The following MMP26 variants were observed in gnomAD, a reference collection of about 807,000 sequenced individuals.
MMP26 encodes matrix metallopeptidase 26.
MMP26 carries 33 observed loss-of-function variants against 31.0 expected under a neutral mutation model. The ratio of observed to expected loss-of-function variants is 1.06; its 90% confidence interval spans 0.81 to 1.42. MMP26 has a LOEUF of 1.42. MMP26 is among the 40% of genes most tolerant of loss of function. The pLI is 0.00. For synonymous variants in MMP26, 122 were observed against 114.9 expected (o/e 1.06, Z -0.40); for missense variants, 347 against 316.1 (o/e 1.10, Z -0.74).
intron 1 of MMP26, among the ~76,000 whole-genome samples, chr11:4,720,800 G>A (rs746525572): frequency 1.3e-5 from 2 of 152,184 alleles, no homozygotes; most frequent in South Asian, 2.1e-4. Context: ...GGACTTCCCC[G>A]CTCGCTATAG....
chr11:4,906,431 A>C (rs1298940143), intron 2 of MMP26, among the ~76,000 whole-genome samples: 4 of 152,236 alleles, frequency 2.6e-5, no homozygotes, highest in Non-Finnish European at 5.9e-5. Flanking sequence ...ATGAAAGGGC[A>C]AATGTGTTTG....
At chr11:4,725,402 G>T (rs1435944198) in intron 1 of MMP26, among the ~76,000 whole-genome samples, 2 of 152,214 alleles carry the variant, frequency 1.3e-5, no homozygotes, top group Admixed American at 1.3e-4. Context: ...AATTGCAAAT[G>T]TCTTTTTACA....
intron 2 of MMP26, chr11:4,787,395 ATGTGTTGCGC>A (rs1188656547): frequency 2.6e-5 from 4 of 152,246 alleles, no homozygotes; most frequent in African/African-American, 7.2e-5. Flanking sequence ...TTGGTACACC[ATGTGTTGCGC>A]TTTCCTACAT....
chr11:4,868,733 G>A (rs929310571), intron 2 of MMP26, among the ~76,000 whole-genome samples: 19 of 152,014 alleles, frequency 1.2e-4, no homozygotes, highest in Non-Finnish European at 1.5e-5. Flanking sequence ...AGTTCATATG[G>A]AACCAAAAAA....
rs769290529 is a variant in MMP26 at position 4,946,930 on chromosome 11, C to A, written c.-144-41138C>A. 6.2e-7 allele frequency: 1 copy of A among 1,606,460 alleles called. No homozygotes were observed. Among genetic ancestry groups the A allele is most frequent in the Admixed American group, 1.7e-5 (1 of 59,206 alleles). ...AAAGAAAATAGTACATGGGCTCATGCAAGGAGGGCTCTGTCTTGATGATAA... is the reference window on the plus strand; with the variant it reads ...AAAGAAAATAGTACATGGGCTCATGAAAGGAGGGCTCTGTCTTGATGATAA... On this transcript the variant is annotated intron_variant, in intron 2 of 7. Transcript: ENST00000380390.
Position 4,946,296 on chromosome 11 carries a change from C to T in MMP26, c.-144-41772C>T, listed in dbSNP as rs781014528. 18 of 1,613,708 alleles carry T rather than the reference C, an allele frequency of 1.1e-5. No homozygotes were observed. In the African/African-American group the frequency reaches 2.4e-4, roughly 22 times the overall value. ...ATGAGAACATTAATGAGGGGAGAGA[C>T]ATGCCGGGCAAAGCGGTGGACAACG... On this transcript the variant is annotated intron_variant, in intron 2 of 7. Coordinates refer to ENST00000380390, the MANE Select transcript of MMP26 (RefSeq NM_021801.5).
chr11:4,708,498 C>T (rs1214098380), intron 1 of MMP26, among the ~76,000 whole-genome samples: 1 of 152,150 alleles, frequency 6.6e-6, no homozygotes, highest in Non-Finnish European at 1.5e-5. Flanking sequence ...CTTAAAGTAG[C>T]AAGTCTAATT....
At chr11:4,816,160 C>T (rs2133466453) in intron 2 of MMP26, among the ~76,000 whole-genome samples, 1 of 152,116 alleles carries the variant, frequency 6.6e-6, no homozygotes, top group East Asian at 1.9e-4. Context: ...TGTTTAATTT[C>T]CATGTGTTTG....
chr11:4,920,688 C>A (rs1851170440), intron 2 of MMP26, among the ~76,000 whole-genome samples: 1 of 152,136 alleles, frequency 6.6e-6, no homozygotes, highest in Admixed American at 6.5e-5. Context: ...CTGTCAAGGA[C>A]TTTTGTTTCA....
At chr11:4,771,299 TGAG>T (rs1208865995) in intron 2 of MMP26, among the ~76,000 whole-genome samples, 1 of 152,044 alleles carries the variant, frequency 6.6e-6, no homozygotes, top group African/African-American at 2.4e-5. Flanking sequence ...TTCAAAAAAA[TGAG>T]GACCATCATT....
chr11:4,756,699 A>C (rs1848508032), intron 1 of MMP26: 1 of 152,176 alleles, frequency 6.6e-6, no homozygotes, highest in African/African-American at 2.4e-5. Context: ...TAAACTTGCA[A>C]GTGTAGGTAG....
At chr11:4,854,340 A>G (rs113233716) in intron 2 of MMP26, among the ~76,000 whole-genome samples, 1 of 152,204 alleles carries the variant, frequency 6.6e-6, no homozygotes, top group Non-Finnish European at 1.5e-5. Flanking sequence ...AGATGGTACC[A>G]GGAAAATCGG....
rs1846341737 is a variant in MMP26 at position 4,948,539 on chromosome 11, T to C, written c.-144-39529T>C. On this transcript the variant is annotated intron_variant, in intron 2 of 7. Transcript: ENST00000380390. ...TGAACTGAATGTACAGCTGGAATTGTGTATTATTTTTAGCATTCTAAACTG... is the reference window on the plus strand; with the variant it reads ...TGAACTGAATGTACAGCTGGAATTGCGTATTATTTTTAGCATTCTAAACTG... Among the ~76,000 whole-genome samples, 2 of 123,680 alleles carry C rather than the reference T, an allele frequency of 1.6e-5. 1 individual carries two copies. The highest frequency in any genetic ancestry group is 3.7e-5 in the Non-Finnish European group (2 of 54,562). The allele number at this position is 123,680 out of a possible 152,430, so 81.1% of individuals were successfully genotyped here.
Position 4,992,103 on chromosome 11 carries a change from C to A in MMP26, c.735C>A (p.Ile245=). 1 of 1,613,382 alleles carries A rather than the reference C, an allele frequency of 6.2e-7. No individual in the cohort carries two copies. Among genetic ancestry groups the A allele is most frequent in the Non-Finnish European group, 8.5e-7 (1 of 1,179,784 alleles). Reference sequence around the variant, plus strand: ...CCTTCCAGCTCAGTGCCGATGATATCCAAAGGATCCAGCATTTGTATGGTC... The same window carrying A: ...CCTTCCAGCTCAGTGCCGATGATATACAAAGGATCCAGCATTTGTATGGTC... ...PRTFQLSADD[I]QRIQHLYGEK... Residue 245 remains isoleucine, a synonymous_variant, in exon 7 of 8, where the codon ATC becomes ATA. Transcript: ENST00000380390.
intron 1 of MMP26, among the ~76,000 whole-genome samples, chr11:4,750,842 G>A (rs188440660): frequency 7.9e-5 from 12 of 151,970 alleles, no homozygotes; most frequent in Admixed American, 2.6e-4. Flanking sequence ...TTTGTATGAC[G>A]CCTATACTAA....
chr11:4,908,491 T>C, intron 2 of MMP26: 1 of 625,588 alleles, frequency 1.6e-6, no homozygotes. Flanking sequence ...AGTCAAGAGA[T>C]ATATAAGATA....
chr11:4,772,072 G>C (rs1848731243), intron 2 of MMP26, among the ~76,000 whole-genome samples: 1 of 152,148 alleles, frequency 6.6e-6, no homozygotes, highest in South Asian at 2.1e-4. Context: ...GAATTGAGCT[G>C]TGAGATTATT....
chr11:4,732,696 A>G (rs767749710), intron 1 of MMP26, among the ~76,000 whole-genome samples: 1 of 152,196 alleles, frequency 6.6e-6, no homozygotes, highest in African/African-American at 2.4e-5. Context: ...TGAAGATTTT[A>G]TATAAATTGA....
chr11:4,811,390 G>A lies in MMP26; in HGVS notation c.-145+44049G>A, dbSNP rs139504452. Among the ~76,000 whole-genome samples, 1,288 of 152,130 alleles carry A rather than the reference G, an allele frequency of 8.5e-3. 22 individuals are homozygous for A. Among genetic ancestry groups the A allele is most frequent in the African/African-American group, 0.028 (1,174 of 41,520 alleles). On this transcript the variant is annotated intron_variant, in intron 2 of 7. Coordinates refer to ENST00000380390, the MANE Select transcript of MMP26 (RefSeq NM_021801.5). ...GCTCAAGTAGGTCCCAGTGTCTGTT[G>A]TTCCCTTCTTTGTGTCCATGTGTAC...
Sources: allele counts gnomAD v4.1 joint callset (sites outside exome capture counted in the v4.1 genomes callset), GRCh38; gene constraint gnomAD v4.1.1; transcripts MANE v1.5; gene names NCBI Gene and HGNC (gene_info 2026-07-23, HGNC 2026-07-21).